The following METTL15 variants were observed in gnomAD, a reference collection of about 807,000 sequenced individuals.
METTL15 encodes the protein 12S rRNA N(4)-cytidine methyltransferase METTL15.
METTL15 carries 34 observed loss-of-function variants against 38.3 expected under a neutral mutation model. That is an observed-to-expected ratio of 0.89 (90% CI 0.68 to 1.18). The LOEUF is 1.18. METTL15 is among the 50% of genes most tolerant of loss of function. The pLI is 0.00. For synonymous variants in METTL15, 162 were observed against 170.9 expected (o/e 0.95, Z 0.41); for missense variants, 438 against 498.4 (o/e 0.88, Z 1.15).
At chr11:28,214,386 C>T (rs753227813) in intron 4 of METTL15, among the ~76,000 whole-genome samples, 8 of 151,962 alleles carry the variant, frequency 5.3e-5, no homozygotes, top group Non-Finnish European at 1.0e-4. Context: ...TCTAAGTTTG[C>T]TGAAGTATAG....
intron 5 of METTL15, among the ~76,000 whole-genome samples, chr11:28,293,647 A>G (rs1437153055): frequency 3.0e-5 from 4 of 133,180 alleles, no homozygotes; most frequent in African/African-American, 8.5e-5. Context: ...TACCTTGGGC[A>G]GTATGGCCAT....
In METTL15 at chr11:28,244,701, A is replaced by G. The variant is rs146000394; in HGVS notation, c.407+33503A>G. ...CAAGTGTCAGGAATATTCTGGGACA[A>G]AGGTATACACTTTTAATGAGAGGAT... On this transcript the variant is annotated intron_variant, in intron 4 of 6. Coordinates refer to ENST00000407364, the MANE Select transcript of METTL15 (RefSeq NM_001113528.2). Among the ~76,000 whole-genome samples, 9 of 152,306 alleles carry G rather than the reference A, an allele frequency of 5.9e-5. No individual in the cohort carries two copies. In the East Asian group the frequency reaches 1.7e-3, roughly 29 times the overall value.
chr11:28,290,478 A>G, intron 5 of METTL15, 81 bp downstream of exon 5: 1 of 1,365,414 alleles, frequency 7.3e-7, no homozygotes, highest in Non-Finnish European at 1.0e-6. Flanking sequence ...TTTTAAGACT[A>G]CAGAATTTCC....
At chr11:28,323,584 T>C (rs1175432137) in intron 6 of METTL15, among the ~76,000 whole-genome samples, 1 of 152,098 alleles carries the variant, frequency 6.6e-6, no homozygotes, top group East Asian at 1.9e-4. Flanking sequence ...CATGCCAAGG[T>C]TCAGTTAAGA....
At chr11:28,248,816 A>G (rs1033627358) in intron 4 of METTL15, among the ~76,000 whole-genome samples, 2 of 151,118 alleles carry the variant, frequency 1.3e-5, no homozygotes, top group African/African-American at 2.4e-5. Flanking sequence ...TTATTATTAG[A>G]AAAAAAAAGC....
intron 4 of METTL15, among the ~76,000 whole-genome samples, chr11:28,211,479 T>C (rs964689447): frequency 2.6e-5 from 4 of 152,024 alleles, no homozygotes; most frequent in African/African-American, 7.2e-5. Context: ...AAAAATGAGT[T>C]TTGACAATAA....
At chr11:28,529,686 T>C (rs764928131), downstream of METTL15, among the ~76,000 whole-genome samples, 15 of 151,746 alleles carry the variant, frequency 9.9e-5, no homozygotes, top group Non-Finnish European at 2.1e-4. Context: ...CTGTTTGGCG[T>C]TTAGTGAAGA....
At chr11:28,122,333 A>ATATGTGTGTG (rs368603716) in intron 3 of METTL15, among the ~76,000 whole-genome samples, 5 of 112,100 alleles carry the variant, frequency 4.5e-5, no homozygotes, top group South Asian at 2.8e-4. Flanking sequence ...ATGTGTGTAT[A>ATATGTGTGTG]TGTGTGTGTG....
intron 3 of METTL15, among the ~76,000 whole-genome samples, chr11:28,133,488 C>T (rs1057136213): frequency 1.3e-5 from 2 of 152,160 alleles, no homozygotes; most frequent in African/African-American, 4.8e-5. Flanking sequence ...GCCTAATAAT[C>T]ATGCTCAAAT....
intron 5 of METTL15, among the ~76,000 whole-genome samples, chr11:28,418,641 G>T (rs1388852836): frequency 6.6e-6 from 1 of 152,104 alleles, no homozygotes; most frequent in Non-Finnish European, 1.5e-5. Context: ...CACAGTACCT[G>T]GTTTTAGCTT....
intron 3 of METTL15, among the ~76,000 whole-genome samples, chr11:28,120,004 T>C (rs1034050109): frequency 1.3e-5 from 2 of 152,104 alleles, no homozygotes; most frequent in Non-Finnish European, 2.9e-5. Context: ...CAGGCTGGAG[T>C]GCAGTGGGGC....
chr11:28,138,984 T>C (rs1001529641), intron 3 of METTL15, among the ~76,000 whole-genome samples: 1 of 152,298 alleles, frequency 6.6e-6, no homozygotes, highest in Middle Eastern at 3.4e-3. Context: ...TAATCCAGAC[T>C]TCACAGAGGA....
intron 4 of METTL15, among the ~76,000 whole-genome samples, chr11:28,277,388 C>G (rs1355866707): frequency 1.3e-5 from 2 of 152,094 alleles, no homozygotes; most frequent in African/African-American, 4.8e-5. Flanking sequence ...TAATGAAATA[C>G]TATTTGACCT....
intron 4 of METTL15, among the ~76,000 whole-genome samples, chr11:28,225,385 G>A (rs1447082118): frequency 1.3e-5 from 2 of 151,786 alleles, no homozygotes; most frequent in South Asian, 2.1e-4. Context: ...TATGCAGAAA[G>A]GATACATCTG....
intron 3 of METTL15, among the ~76,000 whole-genome samples, chr11:28,116,268 C>G (rs1422283374): frequency 6.6e-6 from 1 of 151,966 alleles, no homozygotes; most frequent in Non-Finnish European, 1.5e-5. Flanking sequence ...AAGCTAGAAA[C>G]TTTCTGATAT....
chr11:28,271,211 T>G (rs1386709067), intron 4 of METTL15, among the ~76,000 whole-genome samples: 1 of 152,118 alleles, frequency 6.6e-6, no homozygotes, highest in Non-Finnish European at 1.5e-5. Context: ...ATCCCACAAA[T>G]ACCCTTACAA....
At chr11:28,351,289 T>C (rs1166365794) in intron 3 of METTL15, among the ~76,000 whole-genome samples, 2 of 152,064 alleles carry the variant, frequency 1.3e-5, no homozygotes, top group Non-Finnish European at 2.9e-5. Context: ...TTTTCGTGTT[T>C]TTAGTAGAAA....
intron 3 of METTL15, among the ~76,000 whole-genome samples, chr11:28,208,869 T>C (rs1404281212): frequency 6.6e-6 from 1 of 152,056 alleles, no homozygotes; most frequent in African/African-American, 2.4e-5. Flanking sequence ...GATGTCACTA[T>C]TACATGTGAT....
At chr11:28,378,317 G>GC (rs1485761230) in intron 5 of METTL15, among the ~76,000 whole-genome samples, 4 of 152,242 alleles carry the variant, frequency 2.6e-5, no homozygotes, top group African/African-American at 9.6e-5. Context: ...TACTCCGTGG[G>GC]GTAGGACCCT....
Sources: gnomAD v4.1 joint callset for allele counts (sites outside exome capture counted in the v4.1 genomes callset) on GRCh38, gnomAD v4.1.1 for gene constraint, MANE v1.5 for transcripts, NCBI Gene and HGNC (gene_info 2026-07-23, HGNC 2026-07-21) for gene names.